The following PPIP5K1 variants were observed in gnomAD, a reference collection of about 807,000 sequenced individuals.
PPIP5K1 encodes the protein inositol hexakisphosphate and diphosphoinositol-pentakisphosphate kinase 1.
PPIP5K1 carries 6 observed loss-of-function variants against 27.7 expected under a neutral mutation model. The observed-to-expected ratio is 0.22, with a 90% CI of 0.12 to 0.43. PPIP5K1 has a LOEUF of 0.43. Among genes scored for constraint, PPIP5K1 ranks in the 20% least tolerant of loss-of-function variants. The probability of loss-of-function intolerance (pLI) is 1.00; values close to 1 mark genes in which losing one functional copy is unlikely to be tolerated. For synonymous variants in PPIP5K1, 145 were observed against 242.6 expected (o/e 0.60, Z 3.74); for missense variants, 394 against 635.4 (o/e 0.62, Z 4.08).
chr15:43,554,374 C>T (rs2082644774), intron 30 of PPIP5K1, among the ~76,000 whole-genome samples: 1 of 151,978 alleles, frequency 6.6e-6, no homozygotes. Flanking sequence ...TGGAGTACTG[C>T]TGGGCTCAAG....
At chr15:43,541,407 C>G (rs931770690) in intron 30 of PPIP5K1, among the ~76,000 whole-genome samples, 1 of 152,082 alleles carries the variant, frequency 6.6e-6, no homozygotes, top group African/African-American at 2.4e-5. Flanking sequence ...GCCACCATCC[C>G]CAGCCCATAG....
chr15:43,542,611 T>C (rs981237409), intron 30 of PPIP5K1, among the ~76,000 whole-genome samples: 2 of 151,858 alleles, frequency 1.3e-5, no homozygotes, highest in Admixed American at 1.3e-4. Context: ...TTGTTTTCAT[T>C]CATTATGAGC....
chr15:43,546,085 G>A (rs1019784588), intron 30 of PPIP5K1, among the ~76,000 whole-genome samples: 15 of 150,652 alleles, frequency 1.0e-4, no homozygotes, highest in African/African-American at 2.2e-4. Context: ...TCTGCTTTCC[G>A]TCTCTATGGA....
chr15:43,534,485 G>T lies in PPIP5K1; in HGVS notation c.*189C>A. On this transcript the variant is annotated 3_prime_UTR_variant, in exon 32 of 32. Transcript: ENST00000420765. ...GAGTTAGCCAACAGAAAAGGTTGCTGGCTCAAATGGCTGGTATAGTGTGAT... is the reference window on the plus strand; with the variant it reads ...GAGTTAGCCAACAGAAAAGGTTGCTTGCTCAAATGGCTGGTATAGTGTGAT... 1 of 505,496 alleles carries T rather than the reference G, an allele frequency of 2.0e-6. No individual in the cohort carries two copies. The highest frequency in any genetic ancestry group is 3.4e-6 in the Non-Finnish European group (1 of 296,164). The allele number at this position is 505,496 out of a possible 1,614,324, so 31.3% of individuals were successfully genotyped here. A position where few individuals can be genotyped will look rare whatever the true frequency, so the allele number is the denominator to read the frequency against.
intron 30 of PPIP5K1, among the ~76,000 whole-genome samples, chr15:43,556,340 A>T (rs1176394925): frequency 6.6e-6 from 1 of 151,772 alleles, no homozygotes; most frequent in Non-Finnish European, 1.5e-5. Context: ...AAAAAGAAAA[A>T]AAAAGTGCAT....
chr15:43,552,470 C>A (rs545334827), intron 30 of PPIP5K1, among the ~76,000 whole-genome samples: 29 of 147,908 alleles, frequency 2.0e-4, no homozygotes, highest in African/African-American at 7.3e-4. Flanking sequence ...TTTTGGGAGA[C>A]CGAAGCCAGC....
chr15:43,540,908 A>C (rs917302578), intron 30 of PPIP5K1, among the ~76,000 whole-genome samples: 4 of 151,854 alleles, frequency 2.6e-5, no homozygotes, highest in Non-Finnish European at 5.9e-5. Flanking sequence ...TATATAAAGA[A>C]ATTTTTCCAA....
At chr15:43,535,512 C>G (rs1436374053) in intron 31 of PPIP5K1, 36 bp from the exon 32 acceptor site, 2 of 1,489,224 alleles carry the variant, frequency 1.3e-6, no homozygotes, top group African/African-American at 1.4e-5. Flanking sequence ...GTTAGAGAAG[C>G]TGGAAGAGTA....
chr15:43,541,409 A>G (rs1051613900), intron 30 of PPIP5K1, among the ~76,000 whole-genome samples: 1 of 152,040 alleles, frequency 6.6e-6, no homozygotes, highest in African/African-American at 2.4e-5. Context: ...CACCATCCCC[A>G]GCCCATAGTA....
chr15:43,548,485 A>C (rs990723125), intron 30 of PPIP5K1: 2 of 149,120 alleles, frequency 1.3e-5, no homozygotes, highest in Non-Finnish European at 3.0e-5. Context: ...TGTGAGCTTA[A>C]GCAATCTGCC....
intron 30 of PPIP5K1, among the ~76,000 whole-genome samples, chr15:43,549,964 C>G (rs1172973586): frequency 6.6e-6 from 1 of 152,052 alleles, no homozygotes; most frequent in Non-Finnish European, 1.5e-5. Flanking sequence ...GAATAAGACC[C>G]TATCTCAGCA....
At chr15:43,558,703 C>G in intron 30 of PPIP5K1, 92 bp downstream of exon 30, 2 of 1,532,544 alleles carry the variant, frequency 1.3e-6, no homozygotes, top group Non-Finnish European at 1.8e-6. Context: ...TGTGGATTGC[C>G]TAACTAGCTT....
chr15:43,534,548 A>G lies in PPIP5K1; in HGVS notation c.*126T>C. 1 of 779,172 alleles carries G rather than the reference A, an allele frequency of 1.3e-6. No homozygotes were observed. Among genetic ancestry groups the G allele is most frequent in the Non-Finnish European group, 2.0e-6 (1 of 501,082 alleles). The allele number at this position is 779,172 out of a possible 1,614,324, so 48.3% of individuals were successfully genotyped here. A position where few individuals can be genotyped will look rare whatever the true frequency, so the allele number is the denominator to read the frequency against. On this transcript the variant is annotated 3_prime_UTR_variant, in exon 32 of 32. Transcript: ENST00000420765. ...AAAATTAATCACATGTTGCTGGTGG[A>G]AGGGGTGAGTGCTGGTCATGGGCTA... is the stretch of plus-strand genomic sequence containing the variant.
chr15:43,541,791 G>A (rs1011705898), intron 30 of PPIP5K1, among the ~76,000 whole-genome samples: 5 of 151,654 alleles, frequency 3.3e-5, no homozygotes, highest in Admixed American at 6.6e-5. Context: ...AGAAGGTCAT[G>A]TCCCACATTC....
intron 1 of PPIP5K1, among the ~76,000 whole-genome samples, chr15:43,586,700 A>AATG (rs375477880): frequency 0.1 from 11,303 of 108,540 alleles, 85 homozygotes; most frequent in Middle Eastern, 0.11. Context: ...TGCCTCAAAT[A>AATG]ATGATGATAA....
rs1252038883 is a variant in PPIP5K1, at chr15:43,561,280, T to TA, written c.3236-686dup. Among the ~76,000 whole-genome samples the TA allele has an allele frequency of 2.5e-4, 23 of 90,836 alleles. No homozygotes were observed. The South Asian group carries it at 2.6e-3, about 10-fold the overall frequency. The allele number at this position is 90,836 out of a possible 152,430, so 59.6% of individuals were successfully genotyped here. A position where few individuals can be genotyped will look rare whatever the true frequency, so the allele number is the denominator to read the frequency against. On this transcript the variant is annotated intron_variant, in intron 28 of 31. Transcript: ENST00000420765. ...CCTTACTGTTGTTTAAACAATCAGTTAAAAAAAAAAAGTACACTAAAACTC... is the reference window on the plus strand; with the variant it reads ...CCTTACTGTTGTTTAAACAATCAGTTAAAAAAAAAAAAGTACACTAAAACTC...
chr15:43,536,558 A>T (rs1253408412), intron 31 of PPIP5K1, among the ~76,000 whole-genome samples: 2 of 152,220 alleles, frequency 1.3e-5, no homozygotes, highest in Non-Finnish European at 2.9e-5. Flanking sequence ...AAAAATCTAT[A>T]TAAGAATATT....
chr15:43,545,474 CTTTTT>C (rs56710390), intron 30 of PPIP5K1, among the ~76,000 whole-genome samples: 1 of 119,076 alleles, frequency 8.4e-6, no homozygotes, highest in African/African-American at 3.1e-5. Flanking sequence ...CTGTACACTT[CTTTTT>C]TTTTTTTTTT....
At chr15:43,538,701 CAG>C (rs1350921288) in intron 31 of PPIP5K1, among the ~76,000 whole-genome samples, 3 of 151,972 alleles carry the variant, frequency 2.0e-5, no homozygotes, top group South Asian at 2.1e-4. Flanking sequence ...TTAGTAGAGA[CAG>C]GGGTTTCACC....
Sources: gnomAD v4.1 joint callset for allele counts (sites outside exome capture counted in the v4.1 genomes callset) on GRCh38, gnomAD v4.1.1 for gene constraint, MANE v1.5 for transcripts, NCBI Gene and HGNC (gene_info 2026-07-23, HGNC 2026-07-21) for gene names.